BRWD1: variants seen among roughly 807,000 people sequenced by gnomAD.
BRWD1 encodes the protein bromodomain and WD repeat-containing protein 1.
In BRWD1, 82 loss-of-function variants were observed where a neutral mutation model predicts 251.2. That is an observed-to-expected ratio of 0.33 (90% CI 0.27 to 0.39). The LOEUF is 0.39. Ranked by LOEUF, BRWD1 falls within the 10% of genes least tolerant of loss-of-function variation. BRWD1 has a pLI of 1.00. For synonymous variants in BRWD1, 918 were observed against 902.8 expected (o/e 1.02, Z -0.30); for missense variants, 2,233 against 2,711.6 (o/e 0.82, Z 3.92).
chr21:39,248,666 A>AAAAAC lies in BRWD1; in HGVS notation c.2350-835_2350-834insGTTTT, dbSNP rs2034287683. Among the ~76,000 whole-genome samples, 3 of 122,374 alleles carry AAAAAC rather than the reference A, an allele frequency of 2.5e-5. No individual in the cohort carries two copies. In the South Asian group the frequency reaches 8.2e-4, roughly 33 times the overall value. 80.3% of individuals were successfully genotyped at this position (122,374 alleles called of 152,430 possible). A position where few individuals can be genotyped will look rare whatever the true frequency, so the allele number is the denominator to read the frequency against. On this transcript the variant is annotated intron_variant, in intron 20 of 40. Coordinates refer to ENST00000342449, the MANE Select transcript of BRWD1 (RefSeq NM_033656.4). ...CAAAAAAAAAAAAAAAAAAAAAAAA[A>AAAAAC]AAAAAAAAAAAAAAACACTGGGGGG... is the stretch of plus-strand genomic sequence containing the variant.
rs2031458628 is a variant in BRWD1 at position 39,189,935 on chromosome 21, A to T, written c.*6324T>A. ...CCCACCAGTCCTACTGCCTCAGATG[A>T]GTCTTGTTTCAGTCATGGGTTTACA... On this transcript the variant is annotated 3_prime_UTR_variant, in exon 41 of 41. Transcript: ENST00000342449. 1.0e-6 allele frequency: 1 copy of T among 985,232 alleles called. No individual in the cohort carries two copies. The highest frequency in any genetic ancestry group is 4.7e-5 in the South Asian group (1 of 21,292). The allele number at this position is 985,232 out of a possible 1,614,324, so 61.0% of individuals were successfully genotyped here. A position where few individuals can be genotyped will look rare whatever the true frequency, so the allele number is the denominator to read the frequency against.
chr21:39,258,366 A>G lies in BRWD1; in HGVS notation c.2071+121T>C. 2.3e-6 allele frequency: 2 copies of G among 858,464 alleles called. 1 individual carries two copies. Among genetic ancestry groups the G allele is most frequent in the Non-Finnish European group, 3.4e-6 (2 of 587,756 alleles). The allele number at this position is 858,464 out of a possible 1,614,324, so 53.2% of individuals were successfully genotyped here. On this transcript the variant is annotated intron_variant, in intron 18 of 40. Coordinates refer to ENST00000342449, the MANE Select transcript of BRWD1 (RefSeq NM_033656.4). ...AAAGCTACCTTCAGACTACTAATTA[A>G]GTTGTAAAAATACATTGTTTACTTA...
Position 39,197,178 on chromosome 21 carries a change from G to C in BRWD1, c.5891C>G (p.Pro1964Arg), listed in dbSNP as rs776715448. 1.2e-6 allele frequency: 2 copies of C among 1,613,944 alleles called. No homozygotes were observed. Among genetic ancestry groups the C allele is most frequent in the Non-Finnish European group, 1.7e-6 (2 of 1,179,960 alleles). The change falls in exon 41 of 41, where the codon CCT becomes CGT. Residue 1964 changes from proline to arginine, a missense_variant. Coordinates refer to ENST00000342449, the MANE Select transcript of BRWD1 (RefSeq NM_033656.4). ...HTRSKNGRKK[P>R]LHLACTTAKK... is the part of the protein sequence containing the mutation. ...AGCTGTAGTACAAGCAAGATGGAGAGGTTTTTTCCTTCCATTTTTGCTTCT... is the reference window on the plus strand; with the variant it reads ...AGCTGTAGTACAAGCAAGATGGAGACGTTTTTTCCTTCCATTTTTGCTTCT...
rs531576650 is a variant in BRWD1, at chr21:39,276,902, T to C, written c.1104+349A>G. On this transcript the variant is annotated intron_variant, in intron 11 of 40. Transcript: ENST00000342449. Reference sequence around the variant, plus strand: ...CAGTGACATACCTCCCCTTTAAATATAATTGCTTGTATGCTTAAATTAAAA... The same window carrying C: ...CAGTGACATACCTCCCCTTTAAATACAATTGCTTGTATGCTTAAATTAAAA... Among the ~76,000 whole-genome samples the C allele has an allele frequency of 2.0e-5, 3 of 152,304 alleles. No individual in the cohort carries two copies. In the East Asian group the frequency reaches 5.8e-4, roughly 29 times the overall value.
intron 26 of BRWD1, 22 bp from the exon 27 acceptor site, chr21:39,228,604 T>G (rs2033479096): frequency 6.9e-7 from 1 of 1,441,778 alleles, no homozygotes; most frequent in African/African-American, 1.4e-5. Flanking sequence ...TTTAAAAAAT[T>G]GTTAAACTCT....
intron 25 of BRWD1, among the ~76,000 whole-genome samples, chr21:39,231,198 T>TA (rs957437548): frequency 6.6e-6 from 1 of 152,130 alleles, no homozygotes; most frequent in South Asian, 2.1e-4. Flanking sequence ...ATATAAAAAA[T>TA]AAAAAAACAC....
intron 34 of BRWD1, 44 bp from the exon 35 acceptor site, chr21:39,210,973 G>T (rs1343445431): frequency 1.3e-6 from 2 of 1,556,462 alleles, no homozygotes; most frequent in Admixed American, 2.1e-5. Context: ...CACTATTGGT[G>T]TAAGACTGTG....
At position 39,247,334 on chromosome 21, in the gene BRWD1, G is replaced by A. The variant is rs182037417; in HGVS notation, c.2481+367C>T. Among the ~76,000 whole-genome samples, 336 of 152,240 alleles carry A rather than the reference G, an allele frequency of 2.2e-3. 3 individuals are homozygous for A. Among genetic ancestry groups the A allele is most frequent in the African/African-American group, 7.6e-3 (315 of 41,558 alleles). ...GGGGAATAGAATTGTTTCAGATTTC[G>A]TATTTTTCCAGATTTTGGAAAATTT... On this transcript the variant is annotated intron_variant, in intron 21 of 40. Coordinates refer to ENST00000342449, the MANE Select transcript of BRWD1 (RefSeq NM_033656.4).
upstream of BRWD1, chr21:39,314,697 C>T (rs916146010): frequency 3.9e-6 from 1 of 255,764 alleles, no homozygotes; most frequent in Non-Finnish European, 7.9e-6. Context: ...CTGGAATGCG[C>T]GTTAACAATT....
At chr21:39,249,602 T>C (rs1395610660) in intron 20 of BRWD1, among the ~76,000 whole-genome samples, 2 of 152,222 alleles carry the variant, frequency 1.3e-5, no homozygotes, top group African/African-American at 4.8e-5. Context: ...TCCTTACATT[T>C]ATGCACAAAT....
intron 29 of BRWD1, among the ~76,000 whole-genome samples, chr21:39,220,541 C>G (rs953312506): frequency 2.0e-5 from 3 of 152,094 alleles, no homozygotes; most frequent in Non-Finnish European, 4.4e-5. Flanking sequence ...ATACAGCACC[C>G]AACAAGGTAA....
chr21:39,299,812 TAAA>T (rs34769388), intron 4 of BRWD1, among the ~76,000 whole-genome samples: 1 of 144,784 alleles, frequency 6.9e-6, no homozygotes, highest in Non-Finnish European at 1.5e-5. Flanking sequence ...CCATCTCTAC[TAAA>T]AAAAAAAAAA....
At chr21:39,248,623 G>A (rs948761475) in intron 20 of BRWD1, among the ~76,000 whole-genome samples, 3 of 125,126 alleles carry the variant, frequency 2.4e-5, no homozygotes, top group Admixed American at 9.3e-5. Flanking sequence ...GCCTGGGCAA[G>A]AGTGAGACCC....
chr21:39,242,862 A>C (rs904295023), intron 21 of BRWD1, among the ~76,000 whole-genome samples: 1 of 152,216 alleles, frequency 6.6e-6, no homozygotes, highest in Non-Finnish European at 1.5e-5. Context: ...AGCATGGTTT[A>C]CCAGATATTG....
In BRWD1 at chr21:39,232,433, T is replaced by C. The variant is rs1312612146; in HGVS notation, c.2832A>G (p.Pro944=). 6.3e-7 allele frequency: 1 copy of C among 1,591,600 alleles called. No individual in the cohort carries two copies. Among genetic ancestry groups the C allele is most frequent in the Non-Finnish European group, 8.5e-7 (1 of 1,175,076 alleles). ...NMEHLYEFHP[P]VWITDTTLRK... ...TAAGTGTGGTGTCAGTAATCCAAAC[T>C]GGAGGGTGAAATTCATATAAATGCT... The change falls in exon 24 of 41, where the codon CCA becomes CCG. Residue 944 remains proline, a synonymous_variant. Transcript: ENST00000342449.
chr21:39,320,156 A>G (rs2036733846), intron 1 of BRWD1, among the ~76,000 whole-genome samples: 1 of 152,148 alleles, frequency 6.6e-6, no homozygotes, highest in Non-Finnish European at 1.5e-5. Context: ...CCTCAGCCAG[A>G]GATGGAAGGG....
chr21:39,253,109 G>A (rs1024011025), intron 19 of BRWD1, among the ~76,000 whole-genome samples: 5 of 151,948 alleles, frequency 3.3e-5, no homozygotes, highest in Admixed American at 3.3e-4. Context: ...GGCCAACATG[G>A]TGAAACCCCA....
In BRWD1 at chr21:39,247,685, A is replaced by G; in HGVS notation, c.2481+16T>C. On this transcript the variant is annotated intron_variant, in intron 21 of 40. Coordinates refer to ENST00000342449, the MANE Select transcript of BRWD1 (RefSeq NM_033656.4). Reference sequence around the variant, plus strand: ...ATTTAAGATTATCTTATAACATTTTAAAGTTTTCCACTCACATGTCTTACA... The same window carrying G: ...ATTTAAGATTATCTTATAACATTTTGAAGTTTTCCACTCACATGTCTTACA... 6.3e-7 allele frequency: 1 copy of G among 1,588,980 alleles called. No homozygotes were observed. Among genetic ancestry groups the G allele is most frequent in the Non-Finnish European group, 8.5e-7 (1 of 1,170,850 alleles).
chr21:39,200,322 T>A lies in BRWD1; in HGVS notation c.4650A>T (p.Glu1550Asp). ...LSSSASSSSE[E>D]SKESSRARES... ...CACGAGCTCTGGAACTCTCTTTGCTTTCCTCAGAACTACTGGAAGCTGACG... is the reference window on the plus strand; with the variant it reads ...CACGAGCTCTGGAACTCTCTTTGCTATCCTCAGAACTACTGGAAGCTGACG... The change falls in exon 39 of 41, where the codon GAA (glutamate) becomes GAT (aspartate). Residue 1550 changes from glutamate (E) to aspartate (D), a missense_variant. By Grantham distance (45) the Glu-to-Asp change is conservative. Around this residue, in one of 12 missense-constraint regions of BRWD1, gnomAD observed 928 missense variants for 970.0 expected, o/e 0.96. Coordinates refer to ENST00000342449, the MANE Select transcript of BRWD1 (RefSeq NM_033656.4). 2 of 1,614,132 alleles carry A rather than the reference T, an allele frequency of 1.2e-6. No individual in the cohort carries two copies.
Sources: allele counts gnomAD v4.1 joint callset (sites outside exome capture counted in the v4.1 genomes callset), GRCh38; gene constraint gnomAD v4.1.1; regional missense constraint gnomAD v4.1.1; transcripts MANE v1.5; gene names NCBI Gene and HGNC (gene_info 2026-07-23, HGNC 2026-07-21).